NR2F1-AS1: variants seen among roughly 807,000 people sequenced by gnomAD.
NR2F1-AS1 encodes NR2F1 antisense RNA 1.
chr5:93,483,757 T>C (rs1054731188), intron 4 of NR2F1-AS1, among the ~76,000 whole-genome samples: 4 of 152,166 alleles, frequency 2.6e-5, no homozygotes, highest in African/African-American at 9.7e-5. Flanking sequence ...AGAACATAAA[T>C]GACCTGATGG....
chr5:93,564,189 G>A (rs1012868358), intron 1 of NR2F1-AS1, among the ~76,000 whole-genome samples: 2 of 122,378 alleles, frequency 1.6e-5, no homozygotes, highest in Non-Finnish European at 3.3e-5. Flanking sequence ...CACAGACAAA[G>A]CTACTATTAG....
intron 4 of NR2F1-AS1, among the ~76,000 whole-genome samples, chr5:93,504,211 T>C (rs1359861933): frequency 6.6e-6 from 1 of 152,208 alleles, no homozygotes; most frequent in Non-Finnish European, 1.5e-5. Context: ...TTGCAGATCA[T>C]TGTTGTATAA....
intron 2 of NR2F1-AS1, among the ~76,000 whole-genome samples, chr5:93,562,183 C>CA (rs750644394): frequency 0.032 from 1,607 of 50,612 alleles, 25 homozygotes; most frequent in East Asian, 0.066. Context: ...CCCATCTCTA[C>CA]AAAAAAAAAA....
intron 4 of NR2F1-AS1, among the ~76,000 whole-genome samples, chr5:93,478,326 A>G (rs1056857741): frequency 1.3e-5 from 2 of 152,194 alleles, no homozygotes; most frequent in Non-Finnish European, 2.9e-5. Flanking sequence ...CAATCCTCCC[A>G]ATGAAGACAT....
chr5:93,433,283 T>C (rs1749363925), intron 4 of NR2F1-AS1, among the ~76,000 whole-genome samples: 1 of 152,204 alleles, frequency 6.6e-6, no homozygotes, highest in Admixed American at 6.5e-5. Context: ...AATTCCCTTG[T>C]AGCCAGCCTA....
chr5:93,539,895 TTTTAA>T (rs1184552508), intron 4 of NR2F1-AS1, among the ~76,000 whole-genome samples: 3 of 152,090 alleles, frequency 2.0e-5, no homozygotes, highest in Middle Eastern at 3.4e-3. Flanking sequence ...GTCAATTAAA[TTTTAA>T]TTTAACTAAA....
intron 4 of NR2F1-AS1, among the ~76,000 whole-genome samples, chr5:93,525,766 T>C (rs1012050029): frequency 6.6e-6 from 1 of 152,002 alleles, no homozygotes; most frequent in Non-Finnish European, 1.5e-5. Context: ...ACTGAGTAAA[T>C]AACAAAATTA....
intron 4 of NR2F1-AS1, among the ~76,000 whole-genome samples, chr5:93,468,028 T>C (rs945691550): frequency 1.7e-4 from 26 of 152,206 alleles, no homozygotes; most frequent in African/African-American, 2.7e-4. Context: ...TGTATATGTG[T>C]CACATTTTCT....
chr5:93,523,452 G>A (rs1173506704), intron 4 of NR2F1-AS1, among the ~76,000 whole-genome samples: 3 of 152,170 alleles, frequency 2.0e-5, no homozygotes, highest in Non-Finnish European at 4.4e-5. Context: ...CCTGCCTGCC[G>A]GCTCTGAAGA....
At chr5:93,459,112 T>C (rs1031685791) in intron 4 of NR2F1-AS1, among the ~76,000 whole-genome samples, 1 of 152,176 alleles carries the variant, frequency 6.6e-6, no homozygotes, top group African/African-American at 2.4e-5. Context: ...GTATCCATAA[T>C]ATATGAGTCC....
At chr5:93,509,147 C>T (rs1278930051) in intron 4 of NR2F1-AS1, among the ~76,000 whole-genome samples, 1 of 152,042 alleles carries the variant, frequency 6.6e-6, no homozygotes, top group African/African-American at 2.4e-5. Flanking sequence ...TAATAAAACA[C>T]TGAGAAAAGG....
intron 4 of NR2F1-AS1, among the ~76,000 whole-genome samples, chr5:93,551,393 T>C (rs760294039): frequency 1.3e-5 from 2 of 152,086 alleles, no homozygotes; most frequent in Non-Finnish European, 2.9e-5. Flanking sequence ...TCAAAGAACA[T>C]TTAACCTCTA....
chr5:93,542,885 A>C (rs1246186960), intron 4 of NR2F1-AS1: 1 of 152,296 alleles, frequency 6.6e-6, no homozygotes, highest in South Asian at 2.1e-4. Context: ...TATACCTAGA[A>C]TGAAACCTGC....
At chr5:93,460,830 A>G (rs922099897) in intron 4 of NR2F1-AS1, among the ~76,000 whole-genome samples, 1 of 152,184 alleles carries the variant, frequency 6.6e-6, no homozygotes, top group Non-Finnish European at 1.5e-5. Flanking sequence ...AAGTCAAAAA[A>G]CAACACATGC....
chr5:93,464,506 TAA>T (rs374371768), intron 4 of NR2F1-AS1, among the ~76,000 whole-genome samples: 99 of 152,324 alleles, frequency 6.5e-4, no homozygotes, highest in African/African-American at 1.7e-3. Flanking sequence ...TAAATTTGAT[TAA>T]GAGTTTTTTA....
At chr5:93,578,912 T>C (rs998138579) in intron 1 of NR2F1-AS1, among the ~76,000 whole-genome samples, 2 of 152,172 alleles carry the variant, frequency 1.3e-5, no homozygotes, top group African/African-American at 4.8e-5. Context: ...CCAGGACAAG[T>C]GTGCCAATTG....
intron 4 of NR2F1-AS1, among the ~76,000 whole-genome samples, chr5:93,442,122 C>T (rs539201045): frequency 5.6e-4 from 85 of 152,306 alleles, no homozygotes; most frequent in African/African-American, 1.6e-3. Context: ...CAGCTCCCAG[C>T]GTGAGCAACA....
intron 2 of NR2F1-AS1, among the ~76,000 whole-genome samples, chr5:93,558,319 CTTTTTTT>C (rs776183434): frequency 1.4e-5 from 2 of 138,988 alleles, no homozygotes; most frequent in Non-Finnish European, 3.2e-5. Flanking sequence ...AAATGTATTT[CTTTTTTT>C]TTTTTTTTTT....
At chr5:93,479,110 T>C (rs1750547754) in intron 4 of NR2F1-AS1, among the ~76,000 whole-genome samples, 1 of 152,232 alleles carries the variant, frequency 6.6e-6, no homozygotes, top group African/African-American at 2.4e-5. Flanking sequence ...TTCAGTGTTA[T>C]GTATAACAAC....
Sources: allele counts gnomAD v4.1 joint callset (sites outside exome capture counted in the v4.1 genomes callset), GRCh38; gene constraint gnomAD v4.1.1; transcripts MANE v1.5; gene names NCBI Gene and HGNC (gene_info 2026-07-23, HGNC 2026-07-21).